ICA1: variants seen among roughly 807,000 people sequenced by gnomAD.
ICA1 encodes islet cell autoantigen 1.
Under a neutral mutation model 71.0 loss-of-function variants are expected in ICA1, and 40 were observed. That is an observed-to-expected ratio of 0.56 (90% CI 0.44 to 0.73). ICA1 has a LOEUF of 0.73. Ranked by LOEUF, ICA1 falls within the 30% of genes least tolerant of loss-of-function variation. The pLI is 0.00. For missense variants in ICA1, 578 were observed against 576.5 expected (o/e 1.00, Z -0.03); for synonymous variants, 207 against 209.5 (o/e 0.99, Z 0.10).
At chr7:8,232,806 A>G (rs1800663461) in intron 2 of ICA1, 51 bp from the exon 3 acceptor site, 3 of 1,412,848 alleles carry the variant, frequency 2.1e-6, no homozygotes, top group Non-Finnish European at 2.8e-6. Context: ...AAAGATTAAG[A>G]TATTTTAGTG....
At chr7:8,193,663 C>T (rs1230143747) in intron 6 of ICA1, among the ~76,000 whole-genome samples, 4 of 152,074 alleles carry the variant, frequency 2.6e-5, no homozygotes, top group African/African-American at 4.8e-5. Context: ...TCTGCCATTG[C>T]GTGATATCAT....
intron 6 of ICA1, among the ~76,000 whole-genome samples, chr7:8,197,293 G>A (rs565613683): frequency 1.3e-3 from 195 of 151,726 alleles, no homozygotes; most frequent in African/African-American, 4.5e-3. Context: ...GGTGGCTCAC[G>A]CCTGTAATCC....
At chr7:8,157,550 C>T (rs1411446472) in intron 7 of ICA1, 4 of 271,976 alleles carry the variant, frequency 1.5e-5, no homozygotes, top group African/African-American at 2.2e-5. Flanking sequence ...TTCTATTTCT[C>T]CCTCTTTAAG....
intron 6 of ICA1, among the ~76,000 whole-genome samples, chr7:8,165,503 A>G (rs760015918): frequency 6.6e-6 from 1 of 152,188 alleles, no homozygotes; most frequent in African/African-American, 2.4e-5. Flanking sequence ...TATTCAACAT[A>G]ATATTGGAAG....
At chr7:8,237,999 T>C (rs886076142) in intron 1 of ICA1, among the ~76,000 whole-genome samples, 1 of 152,176 alleles carries the variant, frequency 6.6e-6, no homozygotes, top group Non-Finnish European at 1.5e-5. Context: ...CAAAGTGATA[T>C]ACACAGGTCC....
intron 1 of ICA1, among the ~76,000 whole-genome samples, chr7:8,258,683 T>A (rs1326783428): frequency 6.6e-6 from 1 of 152,244 alleles, no homozygotes; most frequent in Non-Finnish European, 1.5e-5. Flanking sequence ...CCCTATCACA[T>A]GTAGTCTTCC....
rs746605029 is a variant in ICA1, at chr7:8,218,351, T to G, written c.533A>C (p.Gln178Pro). Residue 178 changes from glutamine to proline, a missense_variant, in exon 6 of 14, where the codon CAG becomes CCG. Gln to Pro is a moderately conservative substitution (Grantham distance 76). Coordinates refer to ENST00000402384, the MANE Select transcript of ICA1 (RefSeq NM_001136020.3). ...CTTGTAGAGGTCTGGATCAAGCTCCTGAGACACGTCCTTCATCCATAATAG... is the reference window on the plus strand; with the variant it reads ...CTTGTAGAGGTCTGGATCAAGCTCCGGAGACACGTCCTTCATCCATAATAG... The part of the protein sequence containing the change: ...GALLWMKDVS[Q>P]ELDPDLYKQM... The G allele has an allele frequency of 9.9e-6, 16 of 1,614,068 alleles. No individual in the cohort carries two copies. The highest frequency in any genetic ancestry group is 1.4e-5 in the Non-Finnish European group (16 of 1,180,008).
At chr7:8,217,165 T>C (rs1218548867) in intron 6 of ICA1, among the ~76,000 whole-genome samples, 1 of 152,242 alleles carries the variant, frequency 6.6e-6, no homozygotes, top group Non-Finnish European at 1.5e-5. Flanking sequence ...TGATTTTCTA[T>C]GATTCAGAAG....
intron 6 of ICA1, among the ~76,000 whole-genome samples, chr7:8,212,556 C>T (rs531479176): frequency 6.6e-6 from 1 of 152,132 alleles, no homozygotes; most frequent in African/African-American, 2.4e-5. Flanking sequence ...CAGAGCAAGA[C>T]CCTGTCTCAA....
chr7:8,210,740 G>A (rs748672932), intron 6 of ICA1, among the ~76,000 whole-genome samples: 1 of 151,900 alleles, frequency 6.6e-6, no homozygotes, highest in South Asian at 2.1e-4. Context: ...TTTGAAACGG[G>A]GTCTCACTCT....
intron 13 of ICA1, among the ~76,000 whole-genome samples, chr7:8,124,947 C>T (rs1417290316): frequency 6.6e-6 from 1 of 152,100 alleles, no homozygotes; most frequent in Non-Finnish European, 1.5e-5. Flanking sequence ...CACCACCACA[C>T]CCAGCTAATT....
intron 12 of ICA1, among the ~76,000 whole-genome samples, chr7:8,131,077 G>A (rs372530304): frequency 2.0e-5 from 3 of 152,220 alleles, no homozygotes; most frequent in Non-Finnish European, 2.9e-5. Flanking sequence ...GACACCTCCC[G>A]GAATTTGGTA....
At position 8,119,027 on chromosome 7, in the gene ICA1, G is replaced by C. The variant is rs112521946; in HGVS notation, c.1331-4983C>G. 2.0e-5 allele frequency among the ~76,000 whole-genome samples: 3 copies of C among 152,356 alleles called. 1 individual carries two copies. The highest frequency in any genetic ancestry group is 7.2e-5 in the African/African-American group (3 of 41,582). Reference sequence around the variant, plus strand: ...GGAAGCACTTCCTCAGTTGGTCTCTGAGGCTGCCTAGGTCACCATTTCTAT... The same window carrying C: ...GGAAGCACTTCCTCAGTTGGTCTCTCAGGCTGCCTAGGTCACCATTTCTAT... On this transcript the variant is annotated intron_variant, in intron 13 of 13. Coordinates refer to ENST00000402384, the MANE Select transcript of ICA1 (RefSeq NM_001136020.3).
At chr7:8,119,493 G>A (rs576126869) in intron 13 of ICA1, among the ~76,000 whole-genome samples, 3 of 152,340 alleles carry the variant, frequency 2.0e-5, no homozygotes, top group Admixed American at 1.3e-4. Context: ...ATCATGTAAT[G>A]TGCGTGTTCT....
rs1790974791 is a variant in ICA1, at chr7:8,130,319, G to A, written c.1061-2177C>T. Among the ~76,000 whole-genome samples the A allele has an allele frequency of 6.6e-6, 1 of 152,244 alleles. No homozygotes were observed. The highest frequency in any genetic ancestry group is 1.5e-5 in the Non-Finnish European group (1 of 68,022). On this transcript the variant is annotated intron_variant, in intron 12 of 13. Transcript: ENST00000402384. The surrounding 1 kb of genome is among the most constrained non-coding windows in gnomAD (Gnocchi z 4.2). ...ATGGTGGGCGAGGCAGGACTGTAAG[G>A]TCAGGCAGGTGGCCCACCTCTGTGG... is the stretch of plus-strand genomic sequence containing the variant.
At chr7:8,118,865 G>A (rs1012463828) in intron 13 of ICA1, among the ~76,000 whole-genome samples, 8 of 152,188 alleles carry the variant, frequency 5.3e-5, no homozygotes, top group African/African-American at 1.9e-4. Flanking sequence ...CTCAACAGAG[G>A]CATGGGCATC....
intron 6 of ICA1, among the ~76,000 whole-genome samples, chr7:8,209,030 A>T (rs556041831): frequency 2.6e-4 from 40 of 152,332 alleles, no homozygotes; most frequent in Non-Finnish European, 4.9e-4. Flanking sequence ...CTAGAAGCCA[A>T]GCTTGCATGT....
chr7:8,217,585 A>G (rs1795795588), intron 6 of ICA1, among the ~76,000 whole-genome samples: 1 of 152,232 alleles, frequency 6.6e-6, no homozygotes, highest in Admixed American at 6.5e-5. Flanking sequence ...TATCCAGGCG[A>G]CCAAACAAAG....
intron 8 of ICA1, among the ~76,000 whole-genome samples, chr7:8,152,812 CCAT>C (rs1424183624): frequency 9.9e-4 from 136 of 137,744 alleles, no homozygotes; most frequent in Admixed American, 1.8e-3. Context: ...ACCACCACCA[CCAT>C]CTCCTTCAAC....
Sources: gnomAD v4.1 joint callset for allele counts (sites outside exome capture counted in the v4.1 genomes callset) on GRCh38, gnomAD v4.1.1 for gene constraint, Gnocchi (gnomAD v3.1) non-coding constraint, MANE v1.5 for transcripts, NCBI Gene and HGNC (gene_info 2026-07-23, HGNC 2026-07-21) for gene names.